GALNT13: variants seen among roughly 807,000 people sequenced by gnomAD.
The protein encoded by GALNT13 is polypeptide N-acetylgalactosaminyltransferase 13.
GALNT13 carries 28 observed loss-of-function variants against 64.2 expected under a neutral mutation model. The ratio of observed to expected loss-of-function variants is 0.44; its 90% CI spans 0.32 to 0.60. GALNT13 has a LOEUF of 0.60. Ranked by LOEUF, GALNT13 falls within the 20% of genes least tolerant of loss-of-function variation. The pLI, the probability that GALNT13 is intolerant of heterozygous loss-of-function variation, is 0.05. For synonymous variants in GALNT13, 214 were observed against 224.6 expected (o/e 0.95, Z 0.42); for missense variants, 577 against 669.8 (o/e 0.86, Z 1.53).
the GALNT13 span, among the ~76,000 whole-genome samples, chr2:153,280,739 A>G: frequency 6.6e-6 from 1 of 152,006 alleles, no homozygotes; most frequent in South Asian, 2.1e-4. Flanking sequence ...GGTTGGTATG[A>G]TTTTGATTTT....
At chr2:153,413,404 C>T in the GALNT13 span, among the ~76,000 whole-genome samples, 1 of 152,124 alleles carries the variant, frequency 6.6e-6, no homozygotes, top group Non-Finnish European at 1.5e-5. Flanking sequence ...ACACCCTTGC[C>T]TTGTACCCCA....
At chr2:153,290,842 A>G in the GALNT13 span, among the ~76,000 whole-genome samples, 6 of 152,194 alleles carry the variant, frequency 3.9e-5, no homozygotes. Context: ...TATTGATTCT[A>G]TTCAGTGTTG....
chr2:153,731,204 C>A, the GALNT13 span, among the ~76,000 whole-genome samples: 2 of 151,450 alleles, frequency 1.3e-5, no homozygotes, highest in African/African-American at 4.9e-5. Flanking sequence ...TTGCCTTTTG[C>A]AGCAACATGG....
At chr2:153,968,820 A>G (rs1164523303) in intron 3 of GALNT13, among the ~76,000 whole-genome samples, 1 of 152,222 alleles carries the variant, frequency 6.6e-6, no homozygotes, top group East Asian at 1.9e-4. Flanking sequence ...AATAGTTTTA[A>G]TAGTTTAAAA....
At chr2:153,241,659 G>A in the GALNT13 span, among the ~76,000 whole-genome samples, 1 of 151,450 alleles carries the variant, frequency 6.6e-6, no homozygotes, top group Non-Finnish European at 1.5e-5. Context: ...GTGTGTGTAT[G>A]TGTATGTGTG....
chr2:153,113,575 C>A, the GALNT13 span, among the ~76,000 whole-genome samples: 28 of 151,986 alleles, frequency 1.8e-4, no homozygotes, highest in Non-Finnish European at 3.7e-4. Flanking sequence ...ACTTATAATA[C>A]TTCATGAATA....
At chr2:154,437,786 C>G in intron 11 of GALNT13, 1 of 349,278 alleles carries the variant, frequency 2.9e-6, no homozygotes, top group South Asian at 2.0e-5. Context: ...ATCCGGGAGG[C>G]GGAGGTTGCA....
chr2:154,327,647 C>T (rs1694950434), intron 9 of GALNT13, among the ~76,000 whole-genome samples: 1 of 152,116 alleles, frequency 6.6e-6, no homozygotes, highest in African/African-American at 2.4e-5. Context: ...CCAGAACTTA[C>T]ATAAGTGACC....
chr2:154,002,116 A>G (rs115452678), intron 3 of GALNT13, among the ~76,000 whole-genome samples: 4 of 151,990 alleles, frequency 2.6e-5, no homozygotes, highest in Non-Finnish European at 4.4e-5. Flanking sequence ...TTCAATTTTT[A>G]ATAATTTAAT....
At chr2:153,647,344 C>A in the GALNT13 span, among the ~76,000 whole-genome samples, 1 of 151,978 alleles carries the variant, frequency 6.6e-6, no homozygotes, top group African/African-American at 2.4e-5. Context: ...TGTTTGAGTT[C>A]ATTGTAGATT....
intron 3 of GALNT13, among the ~76,000 whole-genome samples, chr2:154,090,846 C>T (rs188157397): frequency 1.0e-3 from 152 of 151,466 alleles, no homozygotes; most frequent in Non-Finnish European, 1.6e-3. Flanking sequence ...TTTAAAAAAC[C>T]GAATCTACAG....
chr2:153,308,434 G>A, the GALNT13 span, among the ~76,000 whole-genome samples: 1 of 152,108 alleles, frequency 6.6e-6, no homozygotes, highest in Non-Finnish European at 1.5e-5. Context: ...ACACAAGTCT[G>A]TATCGACAGA....
At chr2:154,386,865 G>A (rs1303861687) in intron 9 of GALNT13, among the ~76,000 whole-genome samples, 1 of 152,046 alleles carries the variant, frequency 6.6e-6, no homozygotes, top group Non-Finnish European at 1.5e-5. Flanking sequence ...GAAGTTTGAG[G>A]TAATTGCCTA....
the GALNT13 span, among the ~76,000 whole-genome samples, chr2:153,448,340 A>G: frequency 6.6e-6 from 1 of 152,166 alleles, no homozygotes; most frequent in Admixed American, 6.6e-5. Context: ...TTCCTAGTTT[A>G]TTAGAATAGA....
intron 2 of GALNT13, among the ~76,000 whole-genome samples, chr2:153,912,802 T>G (rs1689050832): frequency 6.6e-6 from 1 of 152,192 alleles, no homozygotes; most frequent in Non-Finnish European, 1.5e-5. Flanking sequence ...GAAATGTTCC[T>G]GAACTGCTGG....
intron 3 of GALNT13, among the ~76,000 whole-genome samples, chr2:154,045,953 A>G (rs183892757): frequency 7.1e-4 from 107 of 151,548 alleles, no homozygotes; most frequent in Non-Finnish European, 5.6e-4. Context: ...TGTTCAATAC[A>G]GTTTTTTTTT....
At chr2:154,057,069 G>A (rs974254124) in intron 3 of GALNT13, among the ~76,000 whole-genome samples, 4 of 151,398 alleles carry the variant, frequency 2.6e-5, no homozygotes, top group Non-Finnish European at 5.9e-5. Flanking sequence ...TTGCTCTGTC[G>A]CCCAGGCTGG....
At chr2:154,153,296 C>A (rs568871676) in intron 4 of GALNT13, among the ~76,000 whole-genome samples, 1 of 149,426 alleles carries the variant, frequency 6.7e-6, no homozygotes, top group Non-Finnish European at 1.5e-5. Flanking sequence ...CTGGAAGTGT[C>A]TCAGAGGAGT....
the GALNT13 span, among the ~76,000 whole-genome samples, chr2:153,333,684 G>A: frequency 2.6e-5 from 4 of 152,062 alleles, no homozygotes; most frequent in Non-Finnish European, 5.9e-5. Flanking sequence ...ATCCATATTG[G>A]TTGCCAGAAA....
Sources: gnomAD v4.1 joint callset for allele counts (sites outside exome capture counted in the v4.1 genomes callset) on GRCh38, gnomAD v4.1.1 for gene constraint, MANE v1.5 for transcripts, NCBI Gene and HGNC (gene_info 2026-07-23, HGNC 2026-07-21) for gene names.